CCDC33: variants seen among roughly 807,000 people sequenced by gnomAD.
CCDC33 encodes coiled-coil domain containing 33, also known as coiled-coil domain-containing protein 33.
In CCDC33, 94 loss-of-function variants were observed where a neutral mutation model predicts 91.9. The observed-to-expected ratio is 1.02, with a 90% confidence interval of 0.87 to 1.21. The LOEUF is 1.21. Among genes scored for constraint, CCDC33 ranks in the 50% most tolerant of loss-of-function variants. The pLI, the probability that CCDC33 is intolerant of heterozygous loss-of-function variation, is 0.00. For synonymous variants in CCDC33, 396 were observed against 374.5 expected (o/e 1.06, Z -0.66); for missense variants, 940 against 935.5 (o/e 1.00, Z -0.06).
chr15:74,259,128 C>T (rs950205393), intron 2 of CCDC33, among the ~76,000 whole-genome samples: 1 of 152,162 alleles, frequency 6.6e-6, no homozygotes, highest in Non-Finnish European at 1.5e-5. Flanking sequence ...CAGCAGGCAC[C>T]ACCCACTAGC....
intron 2 of CCDC33, among the ~76,000 whole-genome samples, chr15:74,258,510 A>C (rs2075934406): frequency 6.6e-6 from 1 of 152,198 alleles, no homozygotes; most frequent in African/African-American, 2.4e-5. Flanking sequence ...AGGTGGGCTC[A>C]GGTGTGAATA....
chr15:74,309,403 G>T (rs546116082), intron 11 of CCDC33, among the ~76,000 whole-genome samples: 1 of 152,332 alleles, frequency 6.6e-6, no homozygotes, highest in African/African-American at 2.4e-5. Context: ...TGAATGCACA[G>T]AATGCCCTTC....
At chr15:74,263,833 T>C (rs1353893284) in intron 3 of CCDC33, among the ~76,000 whole-genome samples, 1 of 152,188 alleles carries the variant, frequency 6.6e-6, no homozygotes, top group Non-Finnish European at 1.5e-5. Flanking sequence ...TATGTGTGTC[T>C]GGATGAATCT....
intron 16 of CCDC33, 34 bp from the exon 17 acceptor site, chr15:74,333,847 T>G (rs751854257): frequency 6.3e-7 from 1 of 1,577,770 alleles, no homozygotes; most frequent in Non-Finnish European, 8.7e-7. Flanking sequence ...AGCCTCCAGC[T>G]GGGGCCAAAT....
intron 1 of CCDC33, among the ~76,000 whole-genome samples, chr15:74,240,580 C>A (rs2075314510): frequency 6.6e-6 from 1 of 152,092 alleles, no homozygotes; most frequent in Admixed American, 6.5e-5. Flanking sequence ...GAGGTAGGGC[C>A]AGAGCTGAGC....
In CCDC33 at chr15:74,218,375, C is replaced by A. The variant is rs1005563327; in HGVS notation, c.311-122C>A. ...ACCAGGGAAATCTTAGCCAAGACTG[C>A]TTGGCTTTGACTCAAAGTCTGGGCA... is the stretch of plus-strand genomic sequence containing the variant. On this transcript the variant is annotated intron_variant, in intron 1 of 2. Coordinates refer to the CCDC33 transcript ENST00000635913. The surrounding 1 kb of genome is among the most constrained non-coding windows in gnomAD (Gnocchi z 4.8). 3 of 1,049,104 alleles carry A rather than the reference C, an allele frequency of 2.9e-6. No individual in the cohort carries two copies. The highest frequency in any genetic ancestry group is 1.7e-5 in the African/African-American group (1 of 59,792). 65.0% of individuals were successfully genotyped at this position (1,049,104 alleles called of 1,614,324 possible).
In CCDC33 at chr15:74,218,317, G is replaced by T. The variant is rs2074500902; in HGVS notation, c.311-180G>T. ...TGGATTGGGCATCAGCAAAGGGAGG[G>T]AGCCATGGGTGGGGCCTAGGAGGGA... On this transcript the variant is annotated intron_variant, in intron 1 of 2. Coordinates refer to the CCDC33 transcript ENST00000635913. This position sits in a 1 kb window ranked among gnomAD's most constrained non-coding sequence, Gnocchi z 4.8. 6.6e-6 allele frequency among the ~76,000 whole-genome samples: 1 copy of T among 152,150 alleles called. No homozygotes were observed. The highest frequency in any genetic ancestry group is 1.5e-5 in the Non-Finnish European group (1 of 68,010).
chr15:74,267,873 CT>C (rs1300971429), intron 4 of CCDC33, among the ~76,000 whole-genome samples: 2 of 152,194 alleles, frequency 1.3e-5, no homozygotes, highest in Non-Finnish European at 2.9e-5. Context: ...CAGCACTGAA[CT>C]TTCTTCTAAG....
At chr15:74,211,839 GTCTC>G (rs1203642075) in intron 2 of CCDC33, among the ~76,000 whole-genome samples, 3 of 151,682 alleles carry the variant, frequency 2.0e-5, no homozygotes, top group South Asian at 2.1e-4. Context: ...CTTTCCTTCT[GTCTC>G]TCTCTACTTT....
intron 3 of CCDC33, among the ~76,000 whole-genome samples, chr15:74,262,887 G>T (rs974440021): frequency 6.6e-6 from 1 of 152,068 alleles, no homozygotes; most frequent in Non-Finnish European, 1.5e-5. Context: ...CAGCTTCCTG[G>T]CACGTCCCCA....
intron 1 of CCDC33, among the ~76,000 whole-genome samples, chr15:74,205,889 A>G (rs1419886873): frequency 6.6e-6 from 1 of 152,240 alleles, no homozygotes; most frequent in African/African-American, 2.4e-5. Context: ...TAGCAAGCAG[A>G]GCGCAGCCTT....
rs556043177 is a variant in CCDC33, at chr15:74,267,126, C to T, written c.429+339C>T. 7.7e-4 allele frequency among the ~76,000 whole-genome samples: 117 copies of T among 152,338 alleles called. 1 individual carries two copies. Among genetic ancestry groups the T allele is most frequent in the African/African-American group, 2.8e-3 (115 of 41,578 alleles). ...AGAAACACAATATTTACCGAGTACC[C>T]GCTGCTTGCACGCCCTGTGCTAGAC... On this transcript the variant is annotated intron_variant, in intron 4 of 18. Transcript: ENST00000398814.
At chr15:74,249,940 A>G (rs951469167) in intron 2 of CCDC33, among the ~76,000 whole-genome samples, 2 of 151,876 alleles carry the variant, frequency 1.3e-5, no homozygotes, top group African/African-American at 2.4e-5. Flanking sequence ...CTATGGCCAC[A>G]TCTCTTGATC....
rs539182272 is a variant in CCDC33 at position 74,312,401 on chromosome 15, C to G, written c.1290+16453C>G. On this transcript the variant is annotated intron_variant, in intron 11 of 18. Transcript: ENST00000398814. Reference sequence around the variant, plus strand: ...AGAGGTGTGAAGGGTAATGAGGCCCCGTAATTAAGGTTTCTGAAGACATGG... The same window carrying G: ...AGAGGTGTGAAGGGTAATGAGGCCCGGTAATTAAGGTTTCTGAAGACATGG... Among the ~76,000 whole-genome samples the G allele has an allele frequency of 2.0e-5, 3 of 152,228 alleles. No homozygotes were observed. In the East Asian group the frequency reaches 5.8e-4, roughly 29 times the overall value.
chr15:74,208,470 T>A (rs1257033417), intron 1 of CCDC33, among the ~76,000 whole-genome samples: 1 of 152,180 alleles, frequency 6.6e-6, no homozygotes, highest in Non-Finnish European at 1.5e-5. Context: ...GCAGATCCCC[T>A]GACTTCTCTC....
At chr15:74,274,818 G>T (rs2076409496) in intron 7 of CCDC33, among the ~76,000 whole-genome samples, 1 of 152,240 alleles carries the variant, frequency 6.6e-6, no homozygotes, top group Non-Finnish European at 1.5e-5. Flanking sequence ...CTTGTTCCCA[G>T]TGCCTTTTGC....
intron 2 of CCDC33, chr15:74,209,696 A>T (rs1477897533): frequency 4.1e-6 from 2 of 489,948 alleles, no homozygotes; most frequent in Non-Finnish European, 7.2e-6. Flanking sequence ...ATCCCCCCTC[A>T]CCTGAGCACA....
intron 1 of CCDC33, 125 bp downstream of exon 1, chr15:74,236,865 CAG>C: frequency 1.1e-6 from 1 of 951,328 alleles, no homozygotes; most frequent in Non-Finnish European, 1.6e-6. Context: ...TCAGTTTTCA[CAG>C]CTGTGAAATG....
intron 2 of CCDC33, among the ~76,000 whole-genome samples, chr15:74,247,689 GA>G (rs1055494173): frequency 1.3e-5 from 2 of 152,158 alleles, no homozygotes; most frequent in Non-Finnish European, 2.9e-5. Flanking sequence ...GGGGATGAGG[GA>G]AATGAGGAAA....
Sources: allele counts gnomAD v4.1 joint callset (sites outside exome capture counted in the v4.1 genomes callset), GRCh38; gene constraint gnomAD v4.1.1; non-coding constraint Gnocchi (gnomAD v3.1); transcripts MANE v1.5; gene names NCBI Gene and HGNC (gene_info 2026-07-23, HGNC 2026-07-21).